Variants in WDR36 observed in about 807,000 individuals in gnomAD.
WDR36 encodes the protein WD repeat domain 36.
In WDR36, 63 loss-of-function variants were observed where a neutral mutation model predicts 112.7. The observed-to-expected ratio is 0.56, with a 90% CI of 0.46 to 0.69. WDR36 has a LOEUF of 0.69. WDR36 is among the 30% of genes least tolerant of loss of function. WDR36 has a pLI of 0.00. For missense variants in WDR36, 1,226 were observed against 1,070.3 expected (o/e 1.15, Z -2.03); for synonymous variants, 410 against 362.2 (o/e 1.13, Z -1.50).
rs963406773 is a variant in WDR36, at chr5:111,129,375, C to G, written c.*2492C>G. On this transcript the variant is annotated 3_prime_UTR_variant, in exon 23 of 23. Coordinates refer to ENST00000513710, the MANE Select transcript of WDR36 (RefSeq NM_139281.3). The stretch of plus-strand genomic sequence containing the variant: ...GTTCCCCTGAGCAAGATATGAGCAT[C>G]TGCTTCCCCATGTAATTAATGACAC... 2 of 193,126 alleles carry G rather than the reference C, an allele frequency of 1.0e-5. No homozygotes were observed. Among genetic ancestry groups the G allele is most frequent in the East Asian group, 8.2e-5 (1 of 12,136 alleles). The allele number at this position is 193,126 out of a possible 1,614,324, so 12.0% of individuals were successfully genotyped here. A position where few individuals can be genotyped will look rare whatever the true frequency, so the allele number is the denominator to read the frequency against.
chr5:111,102,307 A>G, intron 5 of WDR36, 38 bp from the exon 6 acceptor site: 4 of 1,574,022 alleles, frequency 2.5e-6, no homozygotes, highest in Non-Finnish European at 3.5e-6. Flanking sequence ...CCTCCAAAAA[A>G]AAAAAAATAC....
intron 12 of WDR36, among the ~76,000 whole-genome samples, chr5:111,109,872 T>A (rs976783668): frequency 1.3e-5 from 2 of 151,440 alleles, no homozygotes; most frequent in African/African-American, 4.8e-5. Context: ...TTGGCTTTGT[T>A]AATAAATTAA....
At position 111,102,338 on chromosome 5, in the gene WDR36, C is replaced by G. The variant is rs1198564899; in HGVS notation, c.543-7C>G. ...AATACAGCTTTCAACTATTTTTCTT[C>G]TTGTAGTAAACTTCTATATACATTT... On this transcript the variant is annotated splice_region_variant and splice_polypyrimidine_tract_variant and intron_variant, in intron 5 of 22. Coordinates refer to ENST00000513710, the MANE Select transcript of WDR36 (RefSeq NM_139281.3). The G allele has an allele frequency of 1.3e-6, 2 of 1,588,546 alleles. No individual in the cohort carries two copies. The highest frequency in any genetic ancestry group is 1.7e-6 in the Non-Finnish European group (2 of 1,169,172).
chr5:111,121,029 GTGA>G lies in WDR36; in HGVS notation c.2040_2042del (p.Asp680del). ...GTATCAGAAGAAACAGTAGAACCAA[GTGA>G]TGAATTGATAGAATATGATTCGCCA... On this transcript the variant is annotated inframe_deletion, in exon 19 of 23. Coordinates refer to ENST00000513710, the MANE Select transcript of WDR36 (RefSeq NM_139281.3). 6.2e-7 allele frequency: 1 copy of G among 1,613,450 alleles called. No homozygotes were observed. Among genetic ancestry groups the G allele is most frequent in the Non-Finnish European group, 8.5e-7 (1 of 1,179,574 alleles).
rs751856369 is a variant in WDR36 at position 111,105,341 on chromosome 5, C to G, written c.1074C>G (p.Phe358Leu). 1 of 1,609,704 alleles carries G rather than the reference C, an allele frequency of 6.2e-7. No individual in the cohort carries two copies. The highest frequency in any genetic ancestry group is 1.3e-5 in the African/African-American group (1 of 74,722). The change falls in exon 10 of 23, where the codon TTC (phenylalanine) becomes TTG (leucine). Residue 358 changes from phenylalanine (F) to leucine (L), a missense_variant. By Grantham distance (22) the Phe-to-Leu change is conservative. Transcript: ENST00000513710. Reference sequence around the variant, plus strand: ...CATTTTCCACGGTACATGAAAAATTCAATAAGAGCTTGGGACATGGTAGGT... The same window carrying G: ...CATTTTCCACGGTACATGAAAAATTGAATAAGAGCTTGGGACATGGTAGGT... ...LQSFSTVHEK[F>L]NKSLGHGLIN...
chr5:111,112,349 C>T (rs1753358950), intron 15 of WDR36, among the ~76,000 whole-genome samples: 1 of 151,978 alleles, frequency 6.6e-6, no homozygotes, highest in African/African-American at 2.4e-5. Flanking sequence ...CTGTACCACC[C>T]TTCTGTAAAT....
At position 111,129,840 on chromosome 5, in the gene WDR36, G is replaced by A. The variant is rs1457603693; in HGVS notation, c.*2957G>A. Reference sequence around the variant, plus strand: ...GTATTTTCCTCTACGACATGTTTCTGTGTGAGTAGTTAACATGTAGATCTT... The same window carrying A: ...GTATTTTCCTCTACGACATGTTTCTATGTGAGTAGTTAACATGTAGATCTT... On this transcript the variant is annotated 3_prime_UTR_variant, in exon 23 of 23. Transcript: ENST00000513710. The A allele has an allele frequency of 4.8e-6, 1 of 207,352 alleles. No homozygotes were observed. The highest frequency in any genetic ancestry group is 9.8e-6 in the Non-Finnish European group (1 of 101,790). The allele number at this position is 207,352 out of a possible 1,614,324, so 12.8% of individuals were successfully genotyped here. A position where few individuals can be genotyped will look rare whatever the true frequency, so the allele number is the denominator to read the frequency against.
At chr5:111,121,179 T>A in intron 19 of WDR36, 38 bp downstream of exon 19, 3 of 1,609,490 alleles carry the variant, frequency 1.9e-6, no homozygotes, top group Non-Finnish European at 2.5e-6. Context: ...TAAGCATGCA[T>A]CCAGAAGCAT....
Position 111,100,577 on chromosome 5 carries a change from T to TC in WDR36, c.410-11dup. The TC allele has an allele frequency of 6.7e-7, 1 of 1,498,172 alleles. No individual in the cohort carries two copies. Among genetic ancestry groups the TC allele is most frequent in the Non-Finnish European group, 9.1e-7 (1 of 1,102,314 alleles). 92.8% of individuals were successfully genotyped at this position (1,498,172 alleles called of 1,614,324 possible). On this transcript the variant is annotated splice_polypyrimidine_tract_variant and intron_variant, in intron 4 of 22. Transcript: ENST00000513710. ...ATTTTATAAAAAATATTTATAACTT[T>TC]CACTTTTGTAGAAGAATACCTGCAG...
intron 16 of WDR36, among the ~76,000 whole-genome samples, chr5:111,113,692 A>T (rs1753395361): frequency 6.6e-6 from 1 of 152,092 alleles, no homozygotes; most frequent in East Asian, 1.9e-4. Context: ...ACTTTGGGGG[A>T]TTGAGAAGCC....
rs547578412 is a variant in WDR36 at position 111,119,057 on chromosome 5, C to T, written c.1841C>T (p.Ser614Phe). ...TTGGACTCGGCTCCTCTCAATGTTT[C>T]TATGTCTCCTACTGGAGACTTTCTG... ...FLLDSAPLNV[S>F]MSPTGDFLAT... Residue 614 changes from serine (S) to phenylalanine (F), a missense_variant, in exon 17 of 23, where the codon TCT becomes TTT. By Grantham distance (155) the Ser-to-Phe change is radical. Transcript: ENST00000513710. 1.9e-6 allele frequency: 3 copies of T among 1,613,604 alleles called. No homozygotes were observed. The highest frequency in any genetic ancestry group is 2.2e-5 in the South Asian group (2 of 91,074).
chr5:111,113,846 C>T (rs1753400003), intron 16 of WDR36, among the ~76,000 whole-genome samples: 1 of 152,070 alleles, frequency 6.6e-6, no homozygotes, highest in African/African-American at 2.4e-5. Context: ...TCTTATAAAG[C>T]CACCAGTTTC....
At position 111,125,663 on chromosome 5, in the gene WDR36, G is replaced by A; in HGVS notation, c.2406G>A (p.Glu802=). The part of the protein sequence containing the change: ...KESGPSGIET[E]LRSLSPDCGG... ...CAGGCCCATCAGGAATTGAAACAGA[G>A]CTGCGAAGCTTGTCTCCTGATTGTG... Residue 802 remains glutamate (E), a synonymous_variant, in exon 22 of 23, where the codon GAG becomes GAA. Transcript: ENST00000513710. 1 of 1,613,872 alleles carries A rather than the reference G, an allele frequency of 6.2e-7. No individual in the cohort carries two copies. Among genetic ancestry groups the A allele is most frequent in the Admixed American group, 1.7e-5 (1 of 60,002 alleles).
In WDR36 at chr5:111,127,466, A is replaced by AT. The variant is rs1206166615; in HGVS notation, c.*584dup. 1 of 205,462 alleles carries AT rather than the reference A, an allele frequency of 4.9e-6. No individual in the cohort carries two copies. Among genetic ancestry groups the AT allele is most frequent in the East Asian group, 7.4e-5 (1 of 13,522 alleles). The allele number at this position is 205,462 out of a possible 1,614,324, so 12.7% of individuals were successfully genotyped here. A position where few individuals can be genotyped will look rare whatever the true frequency, so the allele number is the denominator to read the frequency against. On this transcript the variant is annotated 3_prime_UTR_variant, in exon 23 of 23. Coordinates refer to ENST00000513710, the MANE Select transcript of WDR36 (RefSeq NM_139281.3). Reference sequence around the variant, plus strand: ...ATGCTTTTTTCCTCGGTGGCCTTTGATAAAAATATGAATGATTGACTCTCA... The same window carrying AT: ...ATGCTTTTTTCCTCGGTGGCCTTTGATTAAAAATATGAATGATTGACTCTCA...
Position 111,125,746 on chromosome 5 carries a change from G to A in WDR36, c.2489G>A (p.Arg830Lys), listed in dbSNP as rs1753667880. The change falls in exon 22 of 23, where the codon AGA (arginine) becomes AAA (lysine). Residue 830 changes from arginine to lysine, a missense_variant. Coordinates refer to ENST00000513710, the MANE Select transcript of WDR36 (RefSeq NM_139281.3). ...AAAATGATTGGGATGATGCTGGACA[G>A]AAAGCGTGATTTTGAGTTAGCCCAG... Reference protein sequence around the residue: ...FLKMIGMMLDRKRDFELAQAY... With the variant: ...FLKMIGMMLDKKRDFELAQAY... The A allele has an allele frequency of 6.2e-7, 1 of 1,613,798 alleles. No homozygotes were observed. Among genetic ancestry groups the A allele is most frequent in the South Asian group, 1.1e-5 (1 of 91,088 alleles).
chr5:111,117,129 A>G (rs532804932), intron 16 of WDR36, among the ~76,000 whole-genome samples: 28 of 152,264 alleles, frequency 1.8e-4, no homozygotes, highest in African/African-American at 6.5e-4. Context: ...TTGATTCCCA[A>G]TAAAAGCCAT....
rs775333456 is a variant in WDR36, at chr5:111,124,132, T to A, written c.2293T>A (p.Leu765Met). ...QQSKVVNLGV[L>M]AQKSDFCLKL... ...GTCTAAAGTGGTAAATCTTGGAGTT[T>A]TGGCTCAAAAATCAGATTTCTGCTT... is the stretch of plus-strand genomic sequence containing the variant. Residue 765 changes from leucine to methionine, a missense_variant, in exon 21 of 23, where the codon TTG (leucine) becomes ATG (methionine). Leu to Met is a conservative substitution (Grantham distance 15). Transcript: ENST00000513710. The A allele has an allele frequency of 6.2e-7, 1 of 1,613,098 alleles. No individual in the cohort carries two copies. Among genetic ancestry groups the A allele is most frequent in the Non-Finnish European group, 8.5e-7 (1 of 1,179,594 alleles).
intron 16 of WDR36, among the ~76,000 whole-genome samples, chr5:111,113,387 G>A (rs1338243178): frequency 6.6e-6 from 1 of 151,836 alleles, no homozygotes; most frequent in Non-Finnish European, 1.5e-5. Flanking sequence ...TTCTCATCCT[G>A]CAAAATTGAG....
rs200671785 is a variant in WDR36, at chr5:111,103,893, C to T, written c.705C>T (p.Pro235=). 6.2e-6 allele frequency: 10 copies of T among 1,611,144 alleles called. No homozygotes were observed. In the East Asian group the frequency reaches 1.8e-4, roughly 29 times the overall value. Residue 235 remains proline, a synonymous_variant, in exon 7 of 23, where the codon CCC becomes CCT. Transcript: ENST00000513710. ...TLMKFRQDWG[P]ITSISFRTDG... is the part of the protein sequence containing the mutation. ...TGAAGTTTCGTCAAGACTGGGGACC[C>T]ATTACTTCAATTTCATTTCGCACAG...
Sources: allele counts gnomAD v4.1 joint callset (sites outside exome capture counted in the v4.1 genomes callset), GRCh38; gene constraint gnomAD v4.1.1; transcripts MANE v1.5; gene names NCBI Gene and HGNC (gene_info 2026-07-23, HGNC 2026-07-21).